The following LYZL4 variants were observed in gnomAD, a reference collection of about 807,000 sequenced individuals.
The protein encoded by LYZL4 is lysozyme like 4.
In LYZL4, 13 loss-of-function variants were observed where a neutral mutation model predicts 17.6. That is an observed-to-expected ratio of 0.74 (90% CI 0.48 to 1.18). The LOEUF is 1.18. Among genes scored for constraint, LYZL4 ranks in the 50% most tolerant of loss-of-function variants. The probability of loss-of-function intolerance (pLI) is 0.00; values close to 1 mark genes in which losing one functional copy is unlikely to be tolerated. For missense variants in LYZL4, 174 were observed against 188.2 expected (o/e 0.92, Z 0.44); for synonymous variants, 64 against 67.7 (o/e 0.95, Z 0.27).
the LYZL4 span, among the ~76,000 whole-genome samples, chr3:42,380,589 A>G: frequency 9.2e-5 from 14 of 152,304 alleles, no homozygotes; most frequent in African/African-American, 3.4e-4. Flanking sequence ...TTTCTGATTC[A>G]GTAGGTCTAG....
At chr3:42,391,532 A>G in the LYZL4 span, among the ~76,000 whole-genome samples, 1 of 152,192 alleles carries the variant, frequency 6.6e-6, no homozygotes, top group East Asian at 1.9e-4. Flanking sequence ...GAGGGCTAAG[A>G]TGTGGACTAA....
At chr3:42,405,112 G>T (rs549261987) in intron 3 of LYZL4, among the ~76,000 whole-genome samples, 9 of 152,048 alleles carry the variant, frequency 5.9e-5, no homozygotes, top group African/African-American at 2.2e-4. Flanking sequence ...ACTGTGGCGC[G>T]ATCTGGGCTC....
chr3:42,400,710 C>T (rs942880067), intron 4 of LYZL4, among the ~76,000 whole-genome samples: 2 of 152,104 alleles, frequency 1.3e-5, no homozygotes, highest in Non-Finnish European at 2.9e-5. Context: ...AAATATGACA[C>T]TCTTTCTAGA....
chr3:42,406,856 C>T lies in LYZL4; in HGVS notation c.282G>A (p.Met94Ile), dbSNP rs1401947079. The T allele has an allele frequency of 5.0e-6, 8 of 1,613,992 alleles. No individual in the cohort carries two copies. In the Admixed American group the frequency reaches 5.0e-5, roughly 10 times the overall value. Residue 94 changes from methionine to isoleucine, a missense_variant, in exon 3 of 5, where the codon ATG (methionine) becomes ATA (isoleucine). Transcript: ENST00000287748. ...CGDHGRNRCH[M>I]SCSALLNPNL... is the part of the protein sequence containing the mutation. ...GAAAGAGGGACTTACCGGAACATGA[C>T]ATATGGCAGCGGTTCCTGCCATGGT...
At chr3:42,392,211 C>T (rs1698490218), downstream of LYZL4, among the ~76,000 whole-genome samples, 1 of 152,126 alleles carries the variant, frequency 6.6e-6, no homozygotes, top group Non-Finnish European at 1.5e-5. Flanking sequence ...GATCCAGGAA[C>T]CAAGTGGAGA....
downstream of LYZL4, among the ~76,000 whole-genome samples, chr3:42,394,604 T>C (rs1459716355): frequency 1.3e-5 from 2 of 152,214 alleles, no homozygotes; most frequent in Non-Finnish European, 2.9e-5. Context: ...GAGTTGTTGT[T>C]ATTGAGATTT....
chr3:42,360,771 T>G, the LYZL4 span, among the ~76,000 whole-genome samples: 5 of 151,256 alleles, frequency 3.3e-5, no homozygotes, highest in Non-Finnish European at 5.9e-5. Flanking sequence ...CCTTAAATAT[T>G]TATATGCAGT....
chr3:42,367,271 C>G, the LYZL4 span, among the ~76,000 whole-genome samples: 5 of 152,272 alleles, frequency 3.3e-5, no homozygotes, highest in African/African-American at 1.2e-4. Flanking sequence ...GCAACCTTGT[C>G]CCCAAGGACT....
At chr3:42,384,291 A>C in the LYZL4 span, among the ~76,000 whole-genome samples, 1 of 152,154 alleles carries the variant, frequency 6.6e-6, no homozygotes, top group Non-Finnish European at 1.5e-5. Flanking sequence ...AGTCCCTTGC[A>C]CTCTTTCTAA....
At chr3:42,389,877 G>T in the LYZL4 span, among the ~76,000 whole-genome samples, 2 of 152,144 alleles carry the variant, frequency 1.3e-5, no homozygotes, top group African/African-American at 2.4e-5. Flanking sequence ...GCTTCATGGG[G>T]AGTTCTTTAT....
chr3:42,364,596 C>T, the LYZL4 span, among the ~76,000 whole-genome samples: 3 of 152,048 alleles, frequency 2.0e-5, no homozygotes, highest in Non-Finnish European at 4.4e-5. Context: ...CTGCCCGCCT[C>T]GGTCTCCCAA....
At chr3:42,365,494 C>A in the LYZL4 span, among the ~76,000 whole-genome samples, 1 of 152,284 alleles carries the variant, frequency 6.6e-6, no homozygotes, top group Non-Finnish European at 1.5e-5. Flanking sequence ...CCTCCTTGGA[C>A]CAACTCCTAC....
chr3:42,367,561 G>C, the LYZL4 span, among the ~76,000 whole-genome samples: 3 of 152,172 alleles, frequency 2.0e-5, no homozygotes, highest in African/African-American at 7.2e-5. Context: ...GAGGGTCAAG[G>C]GTGCTCCCAG....
chr3:42,364,352 T>TC, the LYZL4 span, among the ~76,000 whole-genome samples: 1 of 149,022 alleles, frequency 6.7e-6, no homozygotes, highest in African/African-American at 2.5e-5. Flanking sequence ...TTTTTTTTTT[T>TC]TTTTTTTCAG....
intron 4 of LYZL4, among the ~76,000 whole-genome samples, chr3:42,397,760 G>T (rs1172564439): frequency 6.6e-6 from 1 of 152,066 alleles, no homozygotes; most frequent in Non-Finnish European, 1.5e-5. Context: ...TGTCCCCTGG[G>T]CCAGGGCCCC....
the LYZL4 span, among the ~76,000 whole-genome samples, chr3:42,387,073 C>T: frequency 6.6e-6 from 1 of 152,282 alleles, no homozygotes; most frequent in African/African-American, 2.4e-5. Context: ...ACCCACTTTA[C>T]TTTTACTCCA....
chr3:42,364,341 CTTTTTT>C, the LYZL4 span, among the ~76,000 whole-genome samples: 8 of 119,892 alleles, frequency 6.7e-5, no homozygotes, highest in African/African-American at 2.6e-4. Flanking sequence ...TTTTTCTTTT[CTTTTTT>C]TTTTTTTTTT....
the LYZL4 span, among the ~76,000 whole-genome samples, chr3:42,381,530 A>G: frequency 1.5e-4 from 23 of 152,248 alleles, no homozygotes; most frequent in African/African-American, 4.8e-4. Flanking sequence ...AAAAAGCTAC[A>G]GAAAATGAAA....
chr3:42,406,396 G>T (rs934174115), intron 3 of LYZL4, among the ~76,000 whole-genome samples: 1 of 146,926 alleles, frequency 6.8e-6, no homozygotes, highest in African/African-American at 2.5e-5. Flanking sequence ...GGAGCTTGCC[G>T]TGAGCCGAGA....
Sources: gnomAD v4.1 joint callset for allele counts (sites outside exome capture counted in the v4.1 genomes callset) on GRCh38, gnomAD v4.1.1 for gene constraint, MANE v1.5 for transcripts, NCBI Gene and HGNC (gene_info 2026-07-23, HGNC 2026-07-21) for gene names.